Variants in LNX2 observed in about 807,000 individuals in gnomAD.
LNX2 encodes the protein ligand of Numb protein X 2.
A neutral mutation model predicts 66.2 loss-of-function variants in LNX2; 35 were observed. That is an observed-to-expected ratio of 0.53 (90% CI 0.40 to 0.70). The LOEUF is 0.70. Ranked by LOEUF, LNX2 falls within the 30% of genes least tolerant of loss-of-function variation. LNX2 has a pLI of 0.00. For missense variants in LNX2, 791 were observed against 850.8 expected (o/e 0.93, Z 0.87); for synonymous variants, 337 against 315.6 (o/e 1.07, Z -0.72).
chr13:27,567,883 A>G, intron 3 of LNX2, 44 bp from the exon 4 acceptor site: 1 of 1,518,572 alleles, frequency 6.6e-7, no homozygotes, highest in Non-Finnish European at 9.1e-7. Flanking sequence ...ATGTTAAAAA[A>G]ATAAACAAAC....
In LNX2 at chr13:27,553,237, T is replaced by C. The variant is rs1284566998; in HGVS notation, c.1749A>G (p.Pro583=). Residue 583 remains proline, a synonymous_variant, in exon 8 of 10, where the codon CCA becomes CCG. Transcript: ENST00000316334. ...GAAGCCCAAGCCACATGACCCATGA[T>C]GGGGACCAACTGGCATCATACTCAT... The part of the protein sequence containing the change: ...SENEYDASWS[P]SWVMWLGLPS... 1 of 1,614,134 alleles carries C rather than the reference T, an allele frequency of 6.2e-7. No individual in the cohort carries two copies. Among genetic ancestry groups the C allele is most frequent in the East Asian group, 2.2e-5 (1 of 44,878 alleles).
At chr13:27,585,005 C>G (rs1055621378) in intron 1 of LNX2, among the ~76,000 whole-genome samples, 1 of 151,664 alleles carries the variant, frequency 6.6e-6, no homozygotes, top group South Asian at 2.1e-4. Flanking sequence ...GTAGTCCCAA[C>G]TACTTAGGAG....
intron 1 of LNX2, among the ~76,000 whole-genome samples, chr13:27,620,108 C>T (rs2138506282): frequency 6.6e-6 from 1 of 152,298 alleles, no homozygotes; most frequent in East Asian, 1.9e-4. Flanking sequence ...GGAGGCCGCC[C>T]GCCTCCCGGG....
intron 1 of LNX2, among the ~76,000 whole-genome samples, chr13:27,590,734 T>C (rs1037717789): frequency 1.3e-5 from 2 of 152,164 alleles, no homozygotes; most frequent in African/African-American, 4.8e-5. Flanking sequence ...ATCGGGTGGA[T>C]ACTGCTATTC....
chr13:27,618,716 T>C (rs562535205), intron 1 of LNX2, among the ~76,000 whole-genome samples: 1 of 152,354 alleles, frequency 6.6e-6, no homozygotes, highest in South Asian at 2.1e-4. Flanking sequence ...GAATAATACA[T>C]GTCCCTGACT....
At chr13:27,592,480 G>A (rs1955554711) in intron 1 of LNX2, among the ~76,000 whole-genome samples, 1 of 152,170 alleles carries the variant, frequency 6.6e-6, no homozygotes, top group Non-Finnish European at 1.5e-5. Flanking sequence ...GCTGGAATAT[G>A]TAAAATTTGG....
chr13:27,608,752 T>A (rs556517999), intron 1 of LNX2, among the ~76,000 whole-genome samples: 2 of 151,896 alleles, frequency 1.3e-5, no homozygotes, highest in South Asian at 4.2e-4. Flanking sequence ...CAGAAAGATA[T>A]CCTTCCATAA....
At chr13:27,611,529 T>C (rs1460858090) in intron 1 of LNX2, among the ~76,000 whole-genome samples, 1 of 152,216 alleles carries the variant, frequency 6.6e-6, no homozygotes. Context: ...TGCACTGTAA[T>C]GTGAATATAT....
chr13:27,605,611 A>G (rs896803349), intron 1 of LNX2, among the ~76,000 whole-genome samples: 4 of 152,212 alleles, frequency 2.6e-5, no homozygotes, highest in Admixed American at 2.0e-4. Flanking sequence ...ATCATAGGTA[A>G]CCATATTATC....
intron 2 of LNX2, among the ~76,000 whole-genome samples, chr13:27,574,312 C>T (rs1042613732): frequency 2.0e-5 from 3 of 152,180 alleles, no homozygotes; most frequent in Non-Finnish European, 4.4e-5. Context: ...GGTTTGGTGG[C>T]GCATGCCTGT....
At position 27,559,927 on chromosome 13, in the gene LNX2, T is replaced by C. The variant is rs748630879; in HGVS notation, c.1283A>G (p.Asn428Ser). The C allele has an allele frequency of 2.3e-5, 37 of 1,611,622 alleles. No individual in the cohort carries two copies. The African/African-American group carries it at 3.9e-4, about 17-fold the overall frequency. Reference protein sequence around the residue: ...IARPGKPQPGNTIREAGNHSS... With the variant: ...IARPGKPQPGSTIREAGNHSS... Reference sequence around the variant, plus strand: ...ATGATTTCCTGCTTCTCTAATGGTGTTACCAGGCTGGGGTTTCCCTGGTCT... The same window carrying C: ...ATGATTTCCTGCTTCTCTAATGGTGCTACCAGGCTGGGGTTTCCCTGGTCT... Residue 428 changes from asparagine (N) to serine (S), a missense_variant, in exon 6 of 10, where the codon AAC becomes AGC. By Grantham distance (46) the Asn-to-Ser change is conservative (BLOSUM62 1). Coordinates refer to ENST00000316334, the MANE Select transcript of LNX2 (RefSeq NM_153371.4).
At chr13:27,554,689 T>G (rs1293229646) in intron 7 of LNX2, among the ~76,000 whole-genome samples, 1 of 152,212 alleles carries the variant, frequency 6.6e-6, no homozygotes, top group African/African-American at 2.4e-5. Flanking sequence ...AATGCTGCTA[T>G]GAACACTGGT....
intron 4 of LNX2, among the ~76,000 whole-genome samples, chr13:27,566,098 A>C (rs1348732202): frequency 6.6e-6 from 1 of 152,238 alleles, no homozygotes; most frequent in Admixed American, 6.5e-5. Flanking sequence ...CAATTACCTT[A>C]GATCATGCCT....
At chr13:27,607,798 A>G (rs187170170) in intron 1 of LNX2, among the ~76,000 whole-genome samples, 1 of 152,372 alleles carries the variant, frequency 6.6e-6, no homozygotes, top group East Asian at 1.9e-4. Context: ...AAGGGCAGGA[A>G]GCAAAGATGA....
chr13:27,590,971 TA>T (rs1955540662), intron 1 of LNX2, among the ~76,000 whole-genome samples: 1 of 149,974 alleles, frequency 6.7e-6, no homozygotes, highest in South Asian at 2.1e-4. Flanking sequence ...ATAAAGTGTA[TA>T]TATACATATA....
intron 9 of LNX2, among the ~76,000 whole-genome samples, chr13:27,548,940 G>A (rs1259401775): frequency 6.6e-6 from 1 of 152,148 alleles, no homozygotes; most frequent in African/African-American, 2.4e-5. Flanking sequence ...ATGGATGGAT[G>A]ATGAATTGGA....
chr13:27,576,381 C>T (rs1190203390), intron 2 of LNX2, among the ~76,000 whole-genome samples: 1 of 152,090 alleles, frequency 6.6e-6, no homozygotes, highest in Non-Finnish European at 1.5e-5. Context: ...CAAGTACACA[C>T]AGGACATTTT....
At chr13:27,585,843 C>T (rs1955479112) in intron 1 of LNX2, among the ~76,000 whole-genome samples, 1 of 151,794 alleles carries the variant, frequency 6.6e-6, no homozygotes, top group African/African-American at 2.4e-5. Context: ...GTATTTAAGA[C>T]GATTATATTT....
chr13:27,571,367 TGA>T (rs1441154831), intron 2 of LNX2, among the ~76,000 whole-genome samples: 3 of 152,212 alleles, frequency 2.0e-5, no homozygotes, highest in African/African-American at 7.2e-5. Context: ...CTTTCACTGA[TGA>T]GGGCAAAAGC....
Sources: allele counts gnomAD v4.1 joint callset (sites outside exome capture counted in the v4.1 genomes callset), GRCh38; gene constraint gnomAD v4.1.1; transcripts MANE v1.5; gene names NCBI Gene and HGNC (gene_info 2026-07-23, HGNC 2026-07-21).